The following TRABD2B variants were observed in gnomAD, a reference collection of about 807,000 sequenced individuals.
TRABD2B encodes the protein metalloprotease TIKI2.
Under a neutral mutation model 40.1 loss-of-function variants are expected in TRABD2B, and 14 were observed. The observed-to-expected ratio is 0.35, with a 90% CI of 0.23 to 0.55. TRABD2B has a LOEUF of 0.55. Ranked by LOEUF, TRABD2B falls within the 20% of genes least tolerant of loss-of-function variation. The probability of loss-of-function intolerance (pLI) is 0.90; values close to 1 mark genes in which losing one functional copy is unlikely to be tolerated. For missense variants in TRABD2B, 541 were observed against 648.6 expected (o/e 0.83, Z 1.80); for synonymous variants, 263 against 277.0 (o/e 0.95, Z 0.50).
intron 6 of TRABD2B, among the ~76,000 whole-genome samples, chr1:47,773,904 A>C (rs1324746379): frequency 1.3e-5 from 2 of 152,216 alleles, no homozygotes; most frequent in African/African-American, 4.8e-5. Context: ...GTTTATGATA[A>C]TGGGCTGGAC....
At chr1:47,793,539 T>G (rs1266723668) in intron 4 of TRABD2B, among the ~76,000 whole-genome samples, 1 of 152,140 alleles carries the variant, frequency 6.6e-6, no homozygotes, top group African/African-American at 2.4e-5. Context: ...GAGGGCGGCA[T>G]GAGGGTGACA....
At chr1:47,834,221 C>T (rs78192128) in intron 2 of TRABD2B, among the ~76,000 whole-genome samples, 3,678 of 152,254 alleles carry the variant, frequency 0.024, 117 homozygotes, top group Admixed American at 0.094. Context: ...TCCCCAGGGG[C>T]GTTTGTTGCA....
intron 2 of TRABD2B, among the ~76,000 whole-genome samples, chr1:47,840,779 C>T (rs1424450048): frequency 6.6e-6 from 1 of 152,054 alleles, no homozygotes; most frequent in African/African-American, 2.4e-5. Flanking sequence ...CAACTTGGGG[C>T]GTGATGACAT....
In TRABD2B at chr1:47,765,075, G is replaced by C. The variant is rs1188106848; in HGVS notation, c.*827C>G. 6.6e-6 allele frequency: 1 copy of C among 152,218 alleles called. No individual in the cohort carries two copies. The highest frequency in any genetic ancestry group is 1.5e-5 in the Non-Finnish European group (1 of 68,088). The allele number at this position is 152,218 out of a possible 1,614,324, so 9.4% of individuals were successfully genotyped here. A position where few individuals can be genotyped will look rare whatever the true frequency, so the allele number is the denominator to read the frequency against. On this transcript the variant is annotated 3_prime_UTR_variant, in exon 7 of 7. Transcript: ENST00000606738. Reference sequence around the variant, plus strand: ...AATCCATTTAGCCAGGACTTCAACAGCCTCTCCTTTAACCCAAGCTGGATT... The same window carrying C: ...AATCCATTTAGCCAGGACTTCAACACCCTCTCCTTTAACCCAAGCTGGATT...
At chr1:47,815,172 C>A (rs534989078) in intron 2 of TRABD2B, among the ~76,000 whole-genome samples, 1 of 152,294 alleles carries the variant, frequency 6.6e-6, no homozygotes, top group East Asian at 1.9e-4. Flanking sequence ...AGACCCAAGG[C>A]AAAAGAATGT....
In TRABD2B at chr1:47,812,883, T is replaced by C. The variant is rs114378184; in HGVS notation, c.667-11264A>G. Among the ~76,000 whole-genome samples the C allele has an allele frequency of 2.4e-3, 365 of 152,228 alleles. 2 individuals carry two copies. The highest frequency in any genetic ancestry group is 8.6e-3 in the African/African-American group (356 of 41,548). On this transcript the variant is annotated intron_variant, in intron 2 of 6. Coordinates refer to ENST00000606738, the MANE Select transcript of TRABD2B (RefSeq NM_001194986.2). Reference sequence around the variant, plus strand: ...GACCATGCACTCAACCCAAGCAGCATACATGACCCTCTCTACCTGATCTTC... The same window carrying C: ...GACCATGCACTCAACCCAAGCAGCACACATGACCCTCTCTACCTGATCTTC...
At chr1:47,966,291 G>A (rs539774489) in intron 2 of TRABD2B, among the ~76,000 whole-genome samples, 5 of 152,220 alleles carry the variant, frequency 3.3e-5, no homozygotes, top group East Asian at 1.9e-4. Flanking sequence ...GCCTGGCCAC[G>A]CTTGTCAGTA....
chr1:47,766,184 T>G (rs913769118), intron 6 of TRABD2B, 78 bp from the exon 7 acceptor site: 1 of 681,446 alleles, frequency 1.5e-6, no homozygotes, highest in Non-Finnish European at 2.7e-6. Context: ...TCAGATCTGA[T>G]TTTTTCAGGT....
At chr1:47,775,807 G>A (rs1293743899) in intron 5 of TRABD2B, among the ~76,000 whole-genome samples, 2 of 152,168 alleles carry the variant, frequency 1.3e-5, no homozygotes, top group East Asian at 1.9e-4. Context: ...CTGCCGAGGA[G>A]CAAATGAAAC....
At chr1:47,812,163 C>A (rs1367456659) in intron 2 of TRABD2B, among the ~76,000 whole-genome samples, 1 of 152,142 alleles carries the variant, frequency 6.6e-6, no homozygotes, top group Non-Finnish European at 1.5e-5. Flanking sequence ...TTTCATAAAC[C>A]GAACACACTC....
Position 47,875,616 on chromosome 1 carries a change from G to A in TRABD2B, c.667-73997C>T, listed in dbSNP as rs967317056. On this transcript the variant is annotated intron_variant, in intron 2 of 6. Transcript: ENST00000606738. ...GTGGGGGCATCACTTAAGCCCAGGAGATGGAGGTTGCAGTGAACCATGATC... is the reference window on the plus strand; with the variant it reads ...GTGGGGGCATCACTTAAGCCCAGGAAATGGAGGTTGCAGTGAACCATGATC... Among the ~76,000 whole-genome samples the A allele has an allele frequency of 2.9e-5, 4 of 137,406 alleles. No homozygotes were observed. The Admixed American group carries it at 3.2e-4, about 11-fold the overall frequency. 90.1% of individuals were successfully genotyped at this position (137,406 alleles called of 152,430 possible).
At chr1:47,868,052 T>C (rs1297255773) in intron 2 of TRABD2B, among the ~76,000 whole-genome samples, 3 of 152,226 alleles carry the variant, frequency 2.0e-5, no homozygotes, top group Non-Finnish European at 4.4e-5. Flanking sequence ...CGTCTCCTTG[T>C]TTGTTTCTCT....
At chr1:47,828,338 GT>G (rs1645203671) in intron 2 of TRABD2B, among the ~76,000 whole-genome samples, 2 of 152,116 alleles carry the variant, frequency 1.3e-5, no homozygotes, top group African/African-American at 4.8e-5. Context: ...CCCCCACCAA[GT>G]CCCTGGCGTC....
intron 2 of TRABD2B, among the ~76,000 whole-genome samples, chr1:47,949,676 G>C (rs1190793805): frequency 1.3e-5 from 2 of 151,842 alleles, no homozygotes; most frequent in Admixed American, 1.3e-4. Context: ...CCAAAGTGCT[G>C]GGATTACAGG....
At chr1:47,800,893 C>G (rs1310893958) in intron 3 of TRABD2B, among the ~76,000 whole-genome samples, 1 of 152,152 alleles carries the variant, frequency 6.6e-6, no homozygotes, top group Non-Finnish European at 1.5e-5. Context: ...GGTGGAGGAC[C>G]TGGGCTGTGA....
At chr1:47,958,384 TA>T (rs1645457033) in intron 2 of TRABD2B, among the ~76,000 whole-genome samples, 1 of 147,008 alleles carries the variant, frequency 6.8e-6, no homozygotes, top group Non-Finnish European at 1.5e-5. Flanking sequence ...GTAAATGGGC[TA>T]AATGCTCCAA....
chr1:47,925,996 A>G (rs1361443), intron 2 of TRABD2B, among the ~76,000 whole-genome samples: 65,881 of 152,038 alleles, frequency 0.43, 14,541 homozygotes, highest in East Asian at 0.61. Context: ...TGTGTCATTC[A>G]TATAAGTGTG....
chr1:47,900,300 G>A (rs1329349369), intron 2 of TRABD2B, among the ~76,000 whole-genome samples: 5 of 152,114 alleles, frequency 3.3e-5, no homozygotes, highest in African/African-American at 1.2e-4. Context: ...CCTAAGGCAG[G>A]GCCCACTTGC....
intron 2 of TRABD2B, among the ~76,000 whole-genome samples, chr1:47,846,375 G>A (rs1213781598): frequency 1.3e-5 from 2 of 152,170 alleles, no homozygotes; most frequent in African/African-American, 4.8e-5. Flanking sequence ...CTTACTCCTG[G>A]GCAGTGAGAA....
Sources: gnomAD v4.1 joint callset for allele counts (sites outside exome capture counted in the v4.1 genomes callset) on GRCh38, gnomAD v4.1.1 for gene constraint, MANE v1.5 for transcripts, NCBI Gene and HGNC (gene_info 2026-07-23, HGNC 2026-07-21) for gene names.